The following RNF144A variants were observed in gnomAD, a reference collection of about 807,000 sequenced individuals.
The protein encoded by RNF144A is E3 ubiquitin-protein ligase RNF144A.
RNF144A carries 11 observed loss-of-function variants against 38.7 expected under a neutral mutation model. The ratio of observed to expected loss-of-function variants is 0.28; its 90% CI spans 0.18 to 0.47. The LOEUF (loss-of-function observed/expected upper bound fraction) is 0.47, where lower values mean the gene tolerates loss of function less well. RNF144A is among the 20% of genes least tolerant of loss of function. The pLI is 0.99. For missense variants in RNF144A, 316 were observed against 377.2 expected (o/e 0.84, Z 1.34); for synonymous variants, 149 against 143.9 (o/e 1.04, Z -0.25).
chr2:7,035,171 T>C (rs1672583800), intron 8 of RNF144A, among the ~76,000 whole-genome samples: 1 of 152,168 alleles, frequency 6.6e-6, no homozygotes, highest in East Asian at 1.9e-4. Context: ...TCTTGCCCTG[T>C]TTTGTTCCTT....
At chr2:6,969,002 C>G (rs1217699177) in intron 2 of RNF144A, among the ~76,000 whole-genome samples, 2 of 152,220 alleles carry the variant, frequency 1.3e-5, no homozygotes, top group Non-Finnish European at 2.9e-5. Context: ...CCCTGGTATA[C>G]CGCCTCTTGG....
In RNF144A at chr2:6,985,695, C is replaced by T. The variant is rs372143995; in HGVS notation, c.-11-11221C>T. On this transcript the variant is annotated intron_variant, in intron 2 of 8. Coordinates refer to ENST00000320892, the MANE Select transcript of RNF144A (RefSeq NM_014746.6). ...GATGTTTTATCTTTTGTTCTTGAGA[C>T]GGAGTCTTGCTCTGTTGCACAGGCT... Among the ~76,000 whole-genome samples, 82 of 152,304 alleles carry T rather than the reference C, an allele frequency of 5.4e-4. 2 individuals are homozygous for T. The highest frequency in any genetic ancestry group is 1.7e-3 in the African/African-American group (71 of 41,566).
At chr2:6,927,867 A>G (rs1054226707) in intron 1 of RNF144A, among the ~76,000 whole-genome samples, 1 of 152,268 alleles carries the variant, frequency 6.6e-6, no homozygotes. Context: ...TGTGGCTTGC[A>G]TCAGACTGAA....
Position 7,030,115 on chromosome 2 carries a change from G to T in RNF144A, c.658-11G>T, listed in dbSNP as rs781091244. 1 of 1,603,296 alleles carries T rather than the reference G, an allele frequency of 6.2e-7. No homozygotes were observed. On this transcript the variant is annotated splice_polypyrimidine_tract_variant and intron_variant, in intron 7 of 8. Transcript: ENST00000320892. Reference sequence around the variant, plus strand: ...ACTCGTTCATGCCGTCTCTGTCTCTGCCCCTCACAGGATGATTTCCTTCTG... The same window carrying T: ...ACTCGTTCATGCCGTCTCTGTCTCTTCCCCTCACAGGATGATTTCCTTCTG...
At chr2:7,036,672 TC>T (rs897143222) in intron 8 of RNF144A, among the ~76,000 whole-genome samples, 6 of 152,208 alleles carry the variant, frequency 3.9e-5, no homozygotes, top group Non-Finnish European at 8.8e-5. Context: ...TGGATTATAA[TC>T]CAGGGATCAA....
At chr2:7,054,262 G>A (rs1452495601) in intron 6 of RNF144A, among the ~76,000 whole-genome samples, 1 of 152,182 alleles carries the variant, frequency 6.6e-6, no homozygotes, top group African/African-American at 2.4e-5. Context: ...CCTGCCTACG[G>A]CCCCGCAAGT....
At chr2:7,036,031 G>A (rs1047774178) in intron 8 of RNF144A, among the ~76,000 whole-genome samples, 11 of 152,342 alleles carry the variant, frequency 7.2e-5, no homozygotes, top group South Asian at 2.1e-4. Context: ...GATGTCTCAC[G>A]TGGGACTGAC....
At chr2:7,075,067 C>A in the RNF144A span, among the ~76,000 whole-genome samples, 1 of 152,142 alleles carries the variant, frequency 6.6e-6, no homozygotes, top group Non-Finnish European at 1.5e-5. Context: ...CCCATGGATT[C>A]TACAGATTAG....
chr2:7,070,991 G>T (rs1324598444), downstream of RNF144A, among the ~76,000 whole-genome samples: 6 of 149,780 alleles, frequency 4.0e-5, no homozygotes, highest in African/African-American at 1.5e-4. Flanking sequence ...TTGGAGTGCA[G>T]TGGCATGATC....
intron 2 of RNF144A, among the ~76,000 whole-genome samples, chr2:6,959,837 A>G (rs750708433): frequency 2.0e-5 from 3 of 152,188 alleles, no homozygotes; most frequent in East Asian, 3.8e-4. Context: ...CATGAGTTCC[A>G]GAGGGAACCA....
intron 2 of RNF144A, among the ~76,000 whole-genome samples, chr2:6,981,819 T>G (rs1053438530): frequency 9.9e-5 from 15 of 152,184 alleles, no homozygotes; most frequent in African/African-American, 3.4e-4. Context: ...TTTTCTGTAT[T>G]AGTCTGTTTT....
intron 8 of RNF144A, 144 bp from the exon 9 acceptor site, chr2:7,039,485 T>C: frequency 7.1e-7 from 1 of 1,413,608 alleles, no homozygotes. Context: ...GATGACTAGA[T>C]GGGTAGATGG....
intron 1 of RNF144A, among the ~76,000 whole-genome samples, chr2:6,939,894 TTCTAA>T (rs1665858237): frequency 6.6e-6 from 1 of 152,196 alleles, no homozygotes; most frequent in African/African-American, 2.4e-5. Flanking sequence ...GGACTGTCAC[TTCTAA>T]TCTATTAATC....
intron 3 of RNF144A, among the ~76,000 whole-genome samples, chr2:6,997,459 C>T (rs1354363713): frequency 2.0e-5 from 3 of 152,138 alleles, no homozygotes; most frequent in African/African-American, 7.2e-5. Context: ...AATATTCAGT[C>T]CTCAGTGTCA....
chr2:6,931,869 G>T (rs532426261), intron 1 of RNF144A, among the ~76,000 whole-genome samples: 1 of 151,930 alleles, frequency 6.6e-6, no homozygotes, highest in Non-Finnish European at 1.5e-5. Flanking sequence ...TCTTCCCTTT[G>T]AACTAAAGGA....
the RNF144A span, among the ~76,000 whole-genome samples, chr2:7,074,122 T>C: frequency 6.6e-6 from 1 of 152,332 alleles, no homozygotes; most frequent in Non-Finnish European, 1.5e-5. Context: ...AGAGGACACA[T>C]GAAACACATT....
chr2:6,940,290 T>G (rs1665882744), intron 1 of RNF144A, among the ~76,000 whole-genome samples: 1 of 152,174 alleles, frequency 6.6e-6, no homozygotes. Context: ...CTTACACATC[T>G]TTTGTTAAAG....
chr2:6,951,605 C>T (rs1033405417), intron 2 of RNF144A, among the ~76,000 whole-genome samples: 4 of 152,202 alleles, frequency 2.6e-5, no homozygotes, highest in Non-Finnish European at 5.9e-5. Flanking sequence ...AACATCGTAT[C>T]ACTATCCATG....
At chr2:6,956,236 GT>G (rs575466349) in intron 2 of RNF144A, among the ~76,000 whole-genome samples, 6 of 147,726 alleles carry the variant, frequency 4.1e-5, no homozygotes, top group African/African-American at 7.5e-5. Flanking sequence ...TCTTGTTTCT[GT>G]TTTTTTTTCG....
Sources: allele counts gnomAD v4.1 joint callset (sites outside exome capture counted in the v4.1 genomes callset), GRCh38; gene constraint gnomAD v4.1.1; transcripts MANE v1.5; gene names NCBI Gene and HGNC (gene_info 2026-07-23, HGNC 2026-07-21).